Variants in POR observed in about 807,000 individuals in gnomAD.
The protein encoded by POR is NADPH--cytochrome P450 reductase.
Under a neutral mutation model 84.0 loss-of-function variants are expected in POR, and 56 were observed. The observed-to-expected ratio is 0.67, with a 90% CI of 0.54 to 0.83. The LOEUF is 0.83. Ranked by LOEUF, POR falls within the 40% of genes least tolerant of loss-of-function variation. POR has a pLI of 0.00. For synonymous variants in POR, 414 were observed against 400.5 expected, an observed-to-expected ratio of 1.03 and a Z score of -0.40; for missense variants, 938 against 944.3, an observed-to-expected ratio of 0.99 and a Z score of 0.09.
chr7:75,976,548 C>G (rs1168432508), intron 3 of POR, among the ~76,000 whole-genome samples: 2 of 151,626 alleles, frequency 1.3e-5, no homozygotes, highest in South Asian at 2.1e-4. Context: ...AGCTTTGAGA[C>G]CAGCTGGACC....
rs966134485 is a variant in POR at position 75,949,724 on chromosome 7, T to C, written c.-4-4265T>C. 1.3e-4 allele frequency among the ~76,000 whole-genome samples: 19 copies of C among 151,800 alleles called. 1 individual carries two copies. Among genetic ancestry groups the C allele is most frequent in the Non-Finnish European group, 2.8e-4 (19 of 67,976 alleles). ...TAGTAGAGACAGGGTTTCACCATGT[T>C]GGCCAGGCTGGTCTCAAACGCCTGA... is the stretch of plus-strand genomic sequence containing the variant. On this transcript the variant is annotated intron_variant, in intron 1 of 15. Coordinates refer to ENST00000461988, the MANE Select transcript of POR (RefSeq NM_000941.3).
chr7:75,930,841 A>G (rs563925060), intron 1 of POR, among the ~76,000 whole-genome samples: 55 of 138,200 alleles, frequency 4.0e-4, no homozygotes, highest in African/African-American at 1.5e-3. Context: ...TTATTTTTTA[A>G]AGACAGGGTC....
chr7:75,943,743 GT>G, intron 1 of POR: 1 of 394,494 alleles, frequency 2.5e-6, no homozygotes, highest in Non-Finnish European at 5.1e-6. Flanking sequence ...CAACTGAAAA[GT>G]ATTGGTAACG....
chr7:75,977,224 G>A lies in POR; in HGVS notation c.238-2227G>A, dbSNP rs548849421. Among the ~76,000 whole-genome samples the A allele has an allele frequency of 1.1e-3, 173 of 152,310 alleles. 4 individuals are homozygous for A. The South Asian group carries it at 0.035, about 31-fold the overall frequency. ...AGACTACTTTAGGCATTTTAATCTG[G>A]AAGGGATTTCACACAGGGAAGGGGG... On this transcript the variant is annotated intron_variant, in intron 3 of 15. Transcript: ENST00000461988.
intron 1 of POR, among the ~76,000 whole-genome samples, chr7:75,943,379 A>C (rs1254577866): frequency 6.6e-6 from 1 of 152,200 alleles, no homozygotes; most frequent in Non-Finnish European, 1.5e-5. Flanking sequence ...ACCACTGCTA[A>C]GCTGCTGAAC....
chr7:75,934,124 TG>T (rs1563403661), intron 1 of POR, among the ~76,000 whole-genome samples: 2 of 11,160 alleles, frequency 1.8e-4, no homozygotes, highest in Non-Finnish European at 3.7e-4. Flanking sequence ...GACCTCAGAG[TG>T]TGTGTGTGTG....
intron 1 of POR, chr7:75,923,038 A>T: frequency 1.5e-6 from 1 of 680,490 alleles, no homozygotes; most frequent in Non-Finnish European, 2.7e-6. Flanking sequence ...CGTCGAAAGG[A>T]TTGATGGTGT....
intron 1 of POR, among the ~76,000 whole-genome samples, chr7:75,948,876 G>T (rs192700694): frequency 6.6e-6 from 1 of 152,226 alleles, no homozygotes; most frequent in East Asian, 1.9e-4. Flanking sequence ...CAGAGGGTGG[G>T]GATTGTGGCC....
chr7:75,954,016 C>A lies in POR; in HGVS notation c.24C>A (p.His8Gln), dbSNP rs1007356570. The A allele has an allele frequency of 6.2e-7, 1 of 1,603,338 alleles. No individual in the cohort carries two copies. Among genetic ancestry groups the A allele is most frequent in the Admixed American group, 1.7e-5 (1 of 58,348 alleles). The change falls in exon 2 of 16, where the codon CAC (histidine) becomes CAA (glutamine). Residue 8 changes from histidine to glutamine, a missense_variant. Transcript: ENST00000461988. ...TCATGATCAACATGGGAGACTCCCA[C>A]GTGGACACCAGCTCCACCGTGTCCG...
intron 1 of POR, among the ~76,000 whole-genome samples, chr7:75,917,114 C>G (rs957941750): frequency 3.3e-5 from 5 of 151,756 alleles, no homozygotes; most frequent in Admixed American, 6.6e-5. Flanking sequence ...GTCGTGCAGG[C>G]TGGAGTGCAG....
chr7:75,929,128 G>A (rs1225678408), intron 1 of POR, among the ~76,000 whole-genome samples: 3 of 152,134 alleles, frequency 2.0e-5, no homozygotes, highest in Non-Finnish European at 2.9e-5. Flanking sequence ...TCACCATAGC[G>A]ATGGGATCTA....
At position 75,975,814 on chromosome 7, in the gene POR, A is replaced by ATTTTTTTTTTTTTTTT. The variant is rs539245771; in HGVS notation, c.237+3355_237+3370dup. ...TGTTGAGGAAAAAAAAGCTGTTCAG[A>ATTTTTTTTTTTTTTTT]TTTTTTTTTTTTTTTTTGGTAGAGA... On this transcript the variant is annotated intron_variant, in intron 3 of 15. Transcript: ENST00000461988. Among the ~76,000 whole-genome samples, 3 of 82,186 alleles carry ATTTTTTTTTTTTTTTT rather than the reference A, an allele frequency of 3.7e-5. 1 individual carries two copies. The highest frequency in any genetic ancestry group is 3.8e-4 in the South Asian group (1 of 2,656). The allele number at this position is 82,186 out of a possible 152,430, so 53.9% of individuals were successfully genotyped here.
chr7:75,986,610 C>A lies in POR; in HGVS notation c.*129C>A. The A allele has an allele frequency of 8.2e-7, 1 of 1,224,812 alleles. No homozygotes were observed. Among genetic ancestry groups the A allele is most frequent in the Non-Finnish European group, 1.1e-6 (1 of 888,112 alleles). The allele number at this position is 1,224,812 out of a possible 1,614,324, so 75.9% of individuals were successfully genotyped here. On this transcript the variant is annotated 3_prime_UTR_variant, in exon 16 of 16. Coordinates refer to ENST00000461988, the MANE Select transcript of POR (RefSeq NM_000941.3). ...CGCAGGCCCAGTGACAAAGACTCCT[C>A]TGGGCCTGGGGTGCATCCTCCTCAG...
At chr7:75,920,241 T>C (rs1563396411) in intron 1 of POR, among the ~76,000 whole-genome samples, 1 of 151,918 alleles carries the variant, frequency 6.6e-6, no homozygotes, top group East Asian at 1.9e-4. Flanking sequence ...AATTTTTTTT[T>C]GTATTTTTAG....
chr7:75,966,279 A>G (rs1788179125), intron 2 of POR, among the ~76,000 whole-genome samples: 1 of 151,928 alleles, frequency 6.6e-6, no homozygotes, highest in South Asian at 2.1e-4. Flanking sequence ...TGCCCTCCCC[A>G]CGTGTTCATC....
intron 1 of POR, among the ~76,000 whole-genome samples, chr7:75,929,411 T>G (rs1807303144): frequency 6.6e-6 from 1 of 152,142 alleles, no homozygotes; most frequent in South Asian, 2.1e-4. Flanking sequence ...TTACAGAGCA[T>G]GCACCACCAT....
intron 1 of POR, among the ~76,000 whole-genome samples, chr7:75,920,056 C>CTTTTTTT (rs71519397): frequency 2.6e-5 from 2 of 76,512 alleles, no homozygotes; most frequent in Non-Finnish European, 5.0e-5. Context: ...AGTTGAATTT[C>CTTTTTTT]TTTTTTTTTT....
chr7:75,968,567 C>T (rs1302378387), intron 2 of POR, among the ~76,000 whole-genome samples: 1 of 152,242 alleles, frequency 6.6e-6, no homozygotes, highest in African/African-American at 2.4e-5. Context: ...TCTTGGAGCC[C>T]CCAGCAGGGC....
At chr7:75,972,867 G>T in intron 3 of POR, 1 of 281,316 alleles carries the variant, frequency 3.6e-6, no homozygotes, top group Non-Finnish European at 7.1e-6. Flanking sequence ...CTGTCACCCA[G>T]GCTGGAGTGC....
Sources: gnomAD v4.1 joint callset for allele counts (sites outside exome capture counted in the v4.1 genomes callset) on GRCh38, gnomAD v4.1.1 for gene constraint, MANE v1.5 for transcripts, NCBI Gene and HGNC (gene_info 2026-07-23, HGNC 2026-07-21) for gene names.